Variants in ABTB3 observed in about 807,000 individuals in gnomAD.
The protein encoded by ABTB3 is ankyrin repeat- and BTB/POZ domain-containing protein 3.
chr12:107,352,965 G>A, the ABTB3 span, among the ~76,000 whole-genome samples: 2 of 152,158 alleles, frequency 1.3e-5, no homozygotes, highest in Non-Finnish European at 2.9e-5. Context: ...ACTGTGGAGA[G>A]GGTAAGTATT....
chr12:107,318,814 A>G, the ABTB3 span: 1 of 1,077,874 alleles, frequency 9.3e-7, no homozygotes, highest in Non-Finnish European at 1.3e-6. Context: ...AGTTGGTAGC[A>G]GCGGCTAGTG....
chr12:107,356,064 C>T, the ABTB3 span, among the ~76,000 whole-genome samples: 1 of 152,136 alleles, frequency 6.6e-6, no homozygotes, highest in Non-Finnish European at 1.5e-5. Flanking sequence ...TGTACTACAC[C>T]TTCAAATGAA....
chr12:107,618,859 A>G, the ABTB3 span, among the ~76,000 whole-genome samples: 1 of 152,190 alleles, frequency 6.6e-6, no homozygotes, highest in Non-Finnish European at 1.5e-5. Flanking sequence ...GGCAGTTGTT[A>G]GGGTGAGGGC....
the ABTB3 span, among the ~76,000 whole-genome samples, chr12:107,448,629 CTT>C: frequency 2.0e-5 from 3 of 148,618 alleles, no homozygotes; most frequent in African/African-American, 7.8e-5. Flanking sequence ...TATGTTCTTT[CTT>C]TCTTTCTTTC....
chr12:107,378,207 G>T, the ABTB3 span, among the ~76,000 whole-genome samples: 1 of 152,100 alleles, frequency 6.6e-6, no homozygotes, highest in African/African-American at 2.4e-5. Flanking sequence ...ACTTTCTTTG[G>T]CTTGGCTATA....
At chr12:107,333,875 G>C in the ABTB3 span, among the ~76,000 whole-genome samples, 1 of 152,188 alleles carries the variant, frequency 6.6e-6, no homozygotes, top group Admixed American at 6.5e-5. Context: ...GGGAGAGTAG[G>C]GGATGGTTGC....
At chr12:107,425,855 G>A in the ABTB3 span, among the ~76,000 whole-genome samples, 1 of 152,174 alleles carries the variant, frequency 6.6e-6, no homozygotes, top group South Asian at 2.1e-4. Context: ...TGTCTTTCTG[G>A]GAGGTTGTAA....
the ABTB3 span, among the ~76,000 whole-genome samples, chr12:107,381,730 A>T: frequency 6.6e-6 from 1 of 152,236 alleles, no homozygotes; most frequent in East Asian, 1.9e-4. Flanking sequence ...TGGAGCATGG[A>T]CTAAGAGGCC....
chr12:107,354,838 C>T, the ABTB3 span, among the ~76,000 whole-genome samples: 4 of 152,100 alleles, frequency 2.6e-5, no homozygotes, highest in Admixed American at 6.5e-5. Flanking sequence ...CCTGTATATA[C>T]CCTTAACCCC....
the ABTB3 span, among the ~76,000 whole-genome samples, chr12:107,469,904 TTCTTTCTTTCTTTCTTTC>T: frequency 2.7e-5 from 3 of 110,160 alleles, no homozygotes; most frequent in African/African-American, 8.2e-5. Flanking sequence ...CTTTCTTTCT[TTCTTTCTTTCTTTCTTTC>T]TCTCTCTCTC....
At chr12:107,653,789 C>T in the ABTB3 span, among the ~76,000 whole-genome samples, 1 of 152,314 alleles carries the variant, frequency 6.6e-6, no homozygotes, top group South Asian at 2.1e-4. Context: ...GTAAAATGTA[C>T]ATAACATAGA....
chr12:107,462,813 GTAGTGATAGTGATGA>G, the ABTB3 span, among the ~76,000 whole-genome samples: 1 of 151,790 alleles, frequency 6.6e-6, no homozygotes, highest in Non-Finnish European at 1.5e-5. Context: ...TGGTGATAAT[GTAGTGATAGTGATGA>G]TGGTGGTGGT....
the ABTB3 span, among the ~76,000 whole-genome samples, chr12:107,516,507 C>T: frequency 6.6e-6 from 1 of 152,216 alleles, no homozygotes; most frequent in Non-Finnish European, 1.5e-5. Context: ...GCTGGGATTA[C>T]AGGCGTGAGA....
chr12:107,572,215 G>T, the ABTB3 span, among the ~76,000 whole-genome samples: 1 of 152,010 alleles, frequency 6.6e-6, no homozygotes, highest in Non-Finnish European at 1.5e-5. Context: ...ATAAAGACTG[G>T]AGTGACTAGC....
At chr12:107,448,122 C>T in the ABTB3 span, among the ~76,000 whole-genome samples, 9 of 152,262 alleles carry the variant, frequency 5.9e-5, no homozygotes, top group East Asian at 1.3e-3. Flanking sequence ...CAGATGGAAG[C>T]GGGAATTAGA....
chr12:107,657,912 G>C, the ABTB3 span: 3 of 618,308 alleles, frequency 4.9e-6, no homozygotes, highest in Non-Finnish European at 8.5e-6. Flanking sequence ...GCTGGGTCCA[G>C]AGTTTAATGG....
chr12:107,559,602 C>G, the ABTB3 span, among the ~76,000 whole-genome samples: 1 of 152,332 alleles, frequency 6.6e-6, no homozygotes, highest in Admixed American at 6.5e-5. Flanking sequence ...ATATTGACAG[C>G]TGCCAGCACG....
At chr12:107,583,691 C>A in the ABTB3 span, among the ~76,000 whole-genome samples, 1 of 152,184 alleles carries the variant, frequency 6.6e-6, no homozygotes, top group South Asian at 2.1e-4. Context: ...GTCTAGCGAC[C>A]AAGTGTGTGT....
chr12:107,524,306 T>C, the ABTB3 span, among the ~76,000 whole-genome samples: 1 of 152,208 alleles, frequency 6.6e-6, no homozygotes, highest in Non-Finnish European at 1.5e-5. Flanking sequence ...TTTTCTGATC[T>C]GACTGTAATT....
Sources: allele counts gnomAD v4.1 joint callset (sites outside exome capture counted in the v4.1 genomes callset), GRCh38; gene constraint gnomAD v4.1.1; transcripts MANE v1.5; gene names NCBI Gene and HGNC (gene_info 2026-07-23, HGNC 2026-07-21).